ALOX5: variants seen among roughly 807,000 people sequenced by gnomAD.
ALOX5 encodes the protein arachidonate 5-lipoxygenase, also known as polyunsaturated fatty acid 5-lipoxygenase.
A neutral mutation model predicts 87.9 loss-of-function variants in ALOX5; 64 were observed. The ratio of observed to expected loss-of-function variants is 0.73; its 90% confidence interval spans 0.60 to 0.90. The LOEUF is 0.90. Among genes scored for constraint, ALOX5 ranks in the 40% least tolerant of loss-of-function variants. ALOX5 has a pLI of 0.00. For missense variants in ALOX5, 822 were observed against 907.5 expected (o/e 0.91, Z 1.21); for synonymous variants, 388 against 355.1 (o/e 1.09, Z -1.04).
rs779093823 is a variant in ALOX5 at position 45,374,477 on chromosome 10, G to A, written c.150+48G>A. ...TGGAGCGCGGGCTGAGGTGCGTCCGGGACCCGGTTTGGACGGCAGAGGCCT... is the reference window on the plus strand; with the variant it reads ...TGGAGCGCGGGCTGAGGTGCGTCCGAGACCCGGTTTGGACGGCAGAGGCCT... On this transcript the variant is annotated intron_variant, in intron 1 of 13. Coordinates refer to ENST00000374391, the MANE Select transcript of ALOX5 (RefSeq NM_000698.5). The A allele has an allele frequency of 1.6e-5, 23 of 1,460,288 alleles. 1 individual carries two copies. In the South Asian group the frequency reaches 2.9e-4, roughly 19 times the overall value. 90.5% of individuals were successfully genotyped at this position (1,460,288 alleles called of 1,614,324 possible).
At chr10:45,391,898 AGAAGTGAGGAGCCCCTCCGCCCGGCAGC>A (rs879644689) in intron 2 of ALOX5, among the ~76,000 whole-genome samples, 18,232 of 139,388 alleles carry the variant, frequency 0.13, 1,427 homozygotes, top group Non-Finnish European at 0.17. Context: ...GCCCCTTCTG[AGAAGTGAGGAGCCCCTCCGCCCGGCAGC>A]CGCCCCGTCT....
rs191951798 is a variant in ALOX5 at position 45,440,561 on chromosome 10, A to G, written c.1113A>G (p.Arg371=). The G allele has an allele frequency of 6.2e-7, 1 of 1,614,160 alleles. No homozygotes were observed. The change falls in exon 8 of 14, where the codon CGA becomes CGG. Residue 371 remains arginine, a synonymous_variant. Coordinates refer to ENST00000374391, the MANE Select transcript of ALOX5 (RefSeq NM_000698.5). ...ACCAGACCATCACCCACCTTCTGCG[A>G]ACACATCTGGTGTCTGAGGTTTTTG... The part of the protein sequence containing the change: ...HVHQTITHLL[R]THLVSEVFGI...
At chr10:45,441,617 AG>A in intron 9 of ALOX5, 187 bp downstream of exon 9, 1 of 549,128 alleles carries the variant, frequency 1.8e-6, no homozygotes, top group South Asian at 2.7e-5. Context: ...GCACTCCTCC[AG>A]GCGCACCACC....
chr10:45,391,053 C>A (rs1333798136), intron 2 of ALOX5, among the ~76,000 whole-genome samples: 3 of 101,560 alleles, frequency 3.0e-5, no homozygotes, highest in East Asian at 3.5e-4. Context: ...TCCCCTCTCC[C>A]CTCTCCCTCT....
At chr10:45,402,288 C>T (rs1264430964) in intron 3 of ALOX5, among the ~76,000 whole-genome samples, 4 of 152,104 alleles carry the variant, frequency 2.6e-5, no homozygotes, top group Non-Finnish European at 5.9e-5. Flanking sequence ...AATCCCACAC[C>T]AAGAACACAA....
Position 45,445,728 on chromosome 10 carries a change from G to T in ALOX5, c.*41G>T. 6.3e-7 allele frequency: 1 copy of T among 1,585,930 alleles called. No individual in the cohort carries two copies. The highest frequency in any genetic ancestry group is 8.6e-7 in the Non-Finnish European group (1 of 1,159,376). On this transcript the variant is annotated 3_prime_UTR_variant, in exon 14 of 14. Coordinates refer to ENST00000374391, the MANE Select transcript of ALOX5 (RefSeq NM_000698.5). ...CACTGTGGGAAGGCCAGCTGCCCCAGCCAGATGGACTCCAGCCTGCCTGGC... is the reference window on the plus strand; with the variant it reads ...CACTGTGGGAAGGCCAGCTGCCCCATCCAGATGGACTCCAGCCTGCCTGGC...
chr10:45,421,718 C>G (rs1841515115), intron 4 of ALOX5, among the ~76,000 whole-genome samples: 1 of 152,198 alleles, frequency 6.6e-6, no homozygotes, highest in Admixed American at 6.5e-5. Flanking sequence ...TGTAAAAGCC[C>G]CTCCTTCCCC....
chr10:45,421,594 T>G (rs546664836), intron 4 of ALOX5, among the ~76,000 whole-genome samples: 1 of 152,198 alleles, frequency 6.6e-6, no homozygotes, highest in Non-Finnish European at 1.5e-5. Context: ...CGAGGGGTGC[T>G]GGGGGAGGAA....
At chr10:45,397,672 A>G (rs769402272) in intron 3 of ALOX5, among the ~76,000 whole-genome samples, 4 of 152,184 alleles carry the variant, frequency 2.6e-5, no homozygotes, top group Admixed American at 6.5e-5. Context: ...AAGATACAAG[A>G]TAATCAATTG....
In ALOX5 at chr10:45,388,088, A is replaced by G. The variant is rs186203332; in HGVS notation, c.349+5407A>G. On this transcript the variant is annotated intron_variant, in intron 2 of 13. Transcript: ENST00000374391. ...TGGAAAATTGGGTCACTCCCACCCTAATACTGTACTTTTCCAACAGTCTTA... is the reference window on the plus strand; with the variant it reads ...TGGAAAATTGGGTCACTCCCACCCTGATACTGTACTTTTCCAACAGTCTTA... Among the ~76,000 whole-genome samples, 45 of 152,348 alleles carry G rather than the reference A, an allele frequency of 3.0e-4. No homozygotes were observed. The East Asian group carries it at 7.7e-3, about 26-fold the overall frequency.
chr10:45,408,450 A>G (rs997496543), intron 3 of ALOX5, among the ~76,000 whole-genome samples: 2 of 152,238 alleles, frequency 1.3e-5, no homozygotes, highest in African/African-American at 4.8e-5. Context: ...ATTATTATCT[A>G]AAAACTTGGA....
intron 1 of ALOX5, among the ~76,000 whole-genome samples, chr10:45,380,841 C>CAA (rs1839799559): frequency 6.6e-6 from 1 of 152,162 alleles, no homozygotes; most frequent in Non-Finnish European, 1.5e-5. Flanking sequence ...ACTTGGGAGA[C>CAA]TGAGGCAGGA....
At chr10:45,422,534 G>A (rs929636290) in intron 4 of ALOX5, among the ~76,000 whole-genome samples, 2 of 152,212 alleles carry the variant, frequency 1.3e-5, no homozygotes, top group Non-Finnish European at 2.9e-5. Flanking sequence ...TCCATGAGGC[G>A]ATGCTGCATG....
chr10:45,424,224 T>G, intron 5 of ALOX5, 77 bp downstream of exon 5: 1 of 1,282,784 alleles, frequency 7.8e-7, no homozygotes. Context: ...TGCCGGGAAA[T>G]TGACAAGGGC....
intron 10 of ALOX5, 40 bp from the exon 11 acceptor site, chr10:45,443,376 C>G (rs1261899286): frequency 1.3e-6 from 2 of 1,595,980 alleles, no homozygotes; most frequent in East Asian, 4.5e-5. Flanking sequence ...CTCCGCAGAC[C>G]TGGCTGGGTC....
chr10:45,411,225 A>G (rs1841051702), intron 3 of ALOX5, among the ~76,000 whole-genome samples: 2 of 152,146 alleles, frequency 1.3e-5, no homozygotes, highest in Non-Finnish European at 2.9e-5. Flanking sequence ...TCACCATCTT[A>G]GTTTTGTTGG....
In ALOX5 at chr10:45,412,474, G is replaced by A. The variant is rs567732167; in HGVS notation, c.554+161G>A. 1.2e-4 allele frequency among the ~76,000 whole-genome samples: 18 copies of A among 152,232 alleles called. 1 individual carries two copies. Among genetic ancestry groups the A allele is most frequent in the African/African-American group, 3.6e-4 (15 of 41,534 alleles). ...GTTGGCCATAGAGTGGATTCTCAAC[G>A]CACAATTGCAGGACAACCGGTATCT... On this transcript the variant is annotated intron_variant, in intron 4 of 13. Transcript: ENST00000374391.
intron 2 of ALOX5, 138 bp from the exon 3 acceptor site, chr10:45,395,717 G>A (rs1306502086): frequency 4.6e-6 from 3 of 659,010 alleles, no homozygotes; most frequent in Non-Finnish European, 5.4e-6. Context: ...AATTGGGGAA[G>A]TGCTCTGAGG....
chr10:45,443,528 A>G lies in ALOX5; in HGVS notation c.1564A>G (p.Lys522Glu), dbSNP rs781186352. 6 of 1,612,410 alleles carry G rather than the reference A, an allele frequency of 3.7e-6. No individual in the cohort carries two copies. The highest frequency in any genetic ancestry group is 5.1e-6 in the Non-Finnish European group (6 of 1,179,184). Residue 522 changes from lysine to glutamate, a missense_variant, in exon 11 of 14, where the codon AAG (lysine) becomes GAG (glutamate). Physicochemically the swap from Lys to Glu is moderately conservative, Grantham distance 56 (BLOSUM62 1). Coordinates refer to ENST00000374391, the MANE Select transcript of ALOX5 (RefSeq NM_000698.5). ...DVYVYGMRGRKSSGFPKSVKS... is the reference protein window; with the variant it reads ...DVYVYGMRGRESSGFPKSVKS... The stretch of plus-strand genomic sequence containing the variant: ...CTACGTGTACGGCATGCGGGGCCGC[A>G]AGTCCTCAGGTAGGGCCTCCGGGAC...
Sources: gnomAD v4.1 joint callset for allele counts (sites outside exome capture counted in the v4.1 genomes callset) on GRCh38, gnomAD v4.1.1 for gene constraint, MANE v1.5 for transcripts, NCBI Gene and HGNC (gene_info 2026-07-23, HGNC 2026-07-21) for gene names.